The following ENTHD1 variants were observed in gnomAD, a reference collection of about 807,000 sequenced individuals.
ENTHD1 encodes the protein ENTH domain containing 1, also known as ENTH domain-containing protein 1.
In ENTHD1, 23 loss-of-function variants were observed where a neutral mutation model predicts 39.1. The ratio of observed to expected loss-of-function variants is 0.59; its 90% CI spans 0.42 to 0.83. The LOEUF is 0.83. Ranked by LOEUF, ENTHD1 falls within the 40% of genes least tolerant of loss-of-function variation. The probability of loss-of-function intolerance (pLI) is 0.00; values close to 1 mark genes in which losing one functional copy is unlikely to be tolerated. For missense variants in ENTHD1, 624 were observed against 705.4 expected (o/e 0.88, Z 1.31); for synonymous variants, 230 against 258.2 (o/e 0.89, Z 1.05).
At chr22:39,790,102 G>A (rs1234176389) in intron 5 of ENTHD1, among the ~76,000 whole-genome samples, 1 of 152,150 alleles carries the variant, frequency 6.6e-6, no homozygotes, top group Non-Finnish European at 1.5e-5. Flanking sequence ...AGGGGTGGGA[G>A]AGGAAGTCAG....
Position 39,810,031 on chromosome 22 carries a change from T to A in ENTHD1, c.832+10962A>T, listed in dbSNP as rs560418656. 4.6e-5 allele frequency among the ~76,000 whole-genome samples: 7 copies of A among 152,230 alleles called. No individual in the cohort carries two copies. The East Asian group carries it at 9.7e-4, about 21-fold the overall frequency. The stretch of plus-strand genomic sequence containing the variant: ...TAGACAGAAAACCTAACTACTGTCA[T>A]TATAGGGGATTCATGGCCTCTTATC... On this transcript the variant is annotated intron_variant, in intron 5 of 6. Coordinates refer to ENST00000325157, the MANE Select transcript of ENTHD1 (RefSeq NM_152512.4).
chr22:39,833,190 G>A (rs2065883758), intron 4 of ENTHD1, among the ~76,000 whole-genome samples: 1 of 152,084 alleles, frequency 6.6e-6, no homozygotes, highest in Admixed American at 6.5e-5. Context: ...GATCAGCTTA[G>A]GTCTTATGGG....
intron 5 of ENTHD1, among the ~76,000 whole-genome samples, chr22:39,770,475 C>T (rs1288614403): frequency 6.6e-6 from 1 of 152,032 alleles, no homozygotes; most frequent in African/African-American, 2.4e-5. Flanking sequence ...CAACAAGCAC[C>T]CCATCCTAAG....
chr22:39,873,915 C>T (rs1036061133), intron 2 of ENTHD1, among the ~76,000 whole-genome samples: 3 of 152,182 alleles, frequency 2.0e-5, no homozygotes, highest in Non-Finnish European at 4.4e-5. Flanking sequence ...TTTCACACTG[C>T]TGATAAAGAC....
rs1484937461 is a variant in ENTHD1 at position 39,744,019 on chromosome 22, G to A, written c.1484C>T (p.Pro495Leu). The stretch of plus-strand genomic sequence containing the variant: ...CTTTTTAGCAGAATCAGAGTTATTT[G>A]GAAGAATTCCCAGTAGATTGAGGCT... ...NDSLNLLGIL[P>L]NNSDSAKKNI... is the part of the protein sequence containing the mutation. Residue 495 changes from proline (P) to leucine (L), a missense_variant, in exon 7 of 7, where the codon CCA (proline) becomes CTA (leucine). By Grantham distance (98) the Pro-to-Leu change is moderately conservative. Coordinates refer to ENST00000325157, the MANE Select transcript of ENTHD1 (RefSeq NM_152512.4). 1 of 1,614,116 alleles carries A rather than the reference G, an allele frequency of 6.2e-7. No individual in the cohort carries two copies. Among genetic ancestry groups the A allele is most frequent in the Non-Finnish European group, 8.5e-7 (1 of 1,179,990 alleles).
At chr22:39,889,873 G>T (rs2066412374) in intron 1 of ENTHD1, among the ~76,000 whole-genome samples, 2 of 152,026 alleles carry the variant, frequency 1.3e-5, no homozygotes, top group African/African-American at 4.8e-5. Flanking sequence ...GCCGCGGGCA[G>T]ATCACCTGAG....
chr22:39,749,857 G>GA, intron 6 of ENTHD1, among the ~76,000 whole-genome samples: 1 of 152,286 alleles, frequency 6.6e-6, no homozygotes, highest in Non-Finnish European at 1.5e-5. Flanking sequence ...GCTGGGCACT[G>GA]GGTTGATCTC....
chr22:39,809,300 C>T (rs1228472749), intron 5 of ENTHD1, among the ~76,000 whole-genome samples: 1 of 152,198 alleles, frequency 6.6e-6, no homozygotes, highest in Non-Finnish European at 1.5e-5. Flanking sequence ...TCCTGGGTCA[C>T]ACTACTCCTT....
At chr22:39,811,527 C>T (rs2065685796) in intron 5 of ENTHD1, among the ~76,000 whole-genome samples, 1 of 152,118 alleles carries the variant, frequency 6.6e-6, no homozygotes, top group East Asian at 1.9e-4. Context: ...CTATTAGCCA[C>T]CTAAAAAACA....
chr22:39,803,332 C>T (rs2065614365), intron 5 of ENTHD1, among the ~76,000 whole-genome samples: 1 of 152,038 alleles, frequency 6.6e-6, no homozygotes, highest in Non-Finnish European at 1.5e-5. Flanking sequence ...CTTCATCCTT[C>T]TCGTCTCACC....
intron 1 of ENTHD1, among the ~76,000 whole-genome samples, chr22:39,891,282 T>C (rs1367790646): frequency 6.6e-6 from 1 of 152,212 alleles, no homozygotes; most frequent in Non-Finnish European, 1.5e-5. Context: ...AGTGCCTTTC[T>C]TCACCACCAA....
intron 2 of ENTHD1, among the ~76,000 whole-genome samples, chr22:39,882,589 T>G (rs1427851033): frequency 6.6e-6 from 1 of 152,342 alleles, no homozygotes; most frequent in East Asian, 1.9e-4. Flanking sequence ...CTATTTTGAC[T>G]GTACACCTCA....
At chr22:39,789,998 G>A in intron 5 of ENTHD1, among the ~76,000 whole-genome samples, 1 of 152,072 alleles carries the variant, frequency 6.6e-6, no homozygotes, top group East Asian at 1.9e-4. Flanking sequence ...GGAGGGAAGA[G>A]TCACTGCAGA....
intron 2 of ENTHD1, among the ~76,000 whole-genome samples, chr22:39,870,841 G>A (rs187903061): frequency 6.6e-6 from 1 of 152,252 alleles, no homozygotes; most frequent in East Asian, 1.9e-4. Flanking sequence ...CGTGGACAAG[G>A]TGCTAGGGAC....
chr22:39,874,443 T>C (rs1357589121), intron 2 of ENTHD1: 3 of 152,064 alleles, frequency 2.0e-5, no homozygotes, highest in African/African-American at 7.2e-5. Flanking sequence ...AATCCAACTT[T>C]AGGAGAGACA....
chr22:39,870,417 C>T (rs1483737975), intron 2 of ENTHD1, among the ~76,000 whole-genome samples: 2 of 151,662 alleles, frequency 1.3e-5, no homozygotes, highest in African/African-American at 4.8e-5. Flanking sequence ...CCCTAATATT[C>T]GTCTAGAGGA....
At chr22:39,757,027 A>G (rs1192840093) in intron 6 of ENTHD1, among the ~76,000 whole-genome samples, 6 of 152,010 alleles carry the variant, frequency 3.9e-5, no homozygotes, top group African/African-American at 7.2e-5. Context: ...AAAAAAAAAA[A>G]AGCCTTCTGG....
At chr22:39,863,578 T>C (rs1211462160) in intron 2 of ENTHD1, among the ~76,000 whole-genome samples, 1 of 152,196 alleles carries the variant, frequency 6.6e-6, no homozygotes, top group Admixed American at 6.5e-5. Flanking sequence ...GGTATTACTA[T>C]TTTTTCAACC....
chr22:39,875,302 C>T (rs76371046), intron 2 of ENTHD1: 2 of 904,538 alleles, frequency 2.2e-6, no homozygotes, highest in African/African-American at 1.8e-5. Context: ...TTCGGTCGGT[C>T]GCAGCCCGCT....
Sources: gnomAD v4.1 joint callset for allele counts (sites outside exome capture counted in the v4.1 genomes callset) on GRCh38, gnomAD v4.1.1 for gene constraint, MANE v1.5 for transcripts, NCBI Gene and HGNC (gene_info 2026-07-23, HGNC 2026-07-21) for gene names.